Variants in NFIX observed in about 807,000 individuals in gnomAD.
NFIX encodes the protein nuclear factor 1 X-type.
In NFIX, 2 loss-of-function variants were observed where a neutral mutation model predicts 53.3. The ratio of observed to expected loss-of-function variants is 0.04; its 90% CI spans 0.02 to 0.12. NFIX has a LOEUF of 0.12. Ranked by LOEUF, NFIX falls within the 10% of genes least tolerant of loss-of-function variation. NFIX has a pLI of 1.00. For synonymous variants in NFIX, 244 were observed against 289.0 expected, an observed-to-expected ratio of 0.84 and a Z score of 1.58; for missense variants, 310 against 674.5, an observed-to-expected ratio of 0.46 and a Z score of 5.99.
chr19:13,065,367 T>A (rs2016337072), intron 2 of NFIX, among the ~76,000 whole-genome samples: 1 of 152,212 alleles, frequency 6.6e-6, no homozygotes, highest in Non-Finnish European at 1.5e-5. Context: ...TCTGCTCTGA[T>A]GGGAATTCCT....
rs1292104474 is a variant in NFIX, at chr19:13,025,248, C to T, written c.255C>T (p.Pro85=). The change falls in exon 2 of 11, where the codon CCC becomes CCT. Residue 85 remains proline (P), a synonymous_variant. Coordinates refer to ENST00000592199, the MANE Select transcript of NFIX (RefSeq NM_001365902.3). The surrounding 1 kb of genome is among the most constrained non-coding windows in gnomAD (Gnocchi z 7.5). ...LLAKLRKDIR[P]EFREDFVLTI... The stretch of plus-strand genomic sequence containing the variant: ...CCAAGCTGCGCAAGGACATCCGGCC[C>T]GAGTTCCGCGAGGACTTCGTGCTGA... 19 of 1,613,994 alleles carry T rather than the reference C, an allele frequency of 1.2e-5. No individual in the cohort carries two copies. Among genetic ancestry groups the T allele is most frequent in the Non-Finnish European group, 1.6e-5 (19 of 1,179,970 alleles).
At chr19:13,010,202 C>T (rs2012256487) in intron 1 of NFIX, among the ~76,000 whole-genome samples, 1 of 152,202 alleles carries the variant, frequency 6.6e-6, no homozygotes, top group African/African-American at 2.4e-5. Context: ...GCCGGGCGGG[C>T]GGCCGGCCCT....
In NFIX at chr19:13,045,213, A is replaced by G. The variant is rs1447409005; in HGVS notation, c.559+19661A>G. On this transcript the variant is annotated intron_variant, in intron 2 of 10. Coordinates refer to ENST00000592199, the MANE Select transcript of NFIX (RefSeq NM_001365902.3). This position sits in a 1 kb window ranked among gnomAD's most constrained non-coding sequence, Gnocchi z 4.4. ...TGGCTCTCTTCTGAGGGAGCTCCAC[A>G]GCCACCATGGATTTAGGTGGACAAA... Among the ~76,000 whole-genome samples, 1 of 152,172 alleles carries G rather than the reference A, an allele frequency of 6.6e-6. No homozygotes were observed. The highest frequency in any genetic ancestry group is 1.5e-5 in the Non-Finnish European group (1 of 68,024).
At chr19:13,003,322 G>A (rs967153836) in intron 1 of NFIX, among the ~76,000 whole-genome samples, 2 of 152,122 alleles carry the variant, frequency 1.3e-5, no homozygotes, top group African/African-American at 4.8e-5. Flanking sequence ...ACTCAGGGAC[G>A]TGCATGTGGG....
intron 2 of NFIX, among the ~76,000 whole-genome samples, chr19:13,057,840 G>A (rs1330035314): frequency 1.3e-5 from 2 of 151,898 alleles, no homozygotes; most frequent in African/African-American, 4.8e-5. Flanking sequence ...CCCCGCAACC[G>A]AGGCCCTAGT....
In NFIX at chr19:13,022,526, C is replaced by T. The variant is rs766662556; in HGVS notation, c.28-2495C>T. On this transcript the variant is annotated intron_variant, in intron 1 of 10. Transcript: ENST00000592199. The surrounding 1 kb of genome is among the most constrained non-coding windows in gnomAD (Gnocchi z 4.5). ...TCTTTCTTCTTATTTCTATTCATAGCACCGCAGGCCCGTGTGTATGTGGCC... is the reference window on the plus strand; with the variant it reads ...TCTTTCTTCTTATTTCTATTCATAGTACCGCAGGCCCGTGTGTATGTGGCC... Among the ~76,000 whole-genome samples the T allele has an allele frequency of 2.3e-4, 35 of 151,992 alleles. No individual in the cohort carries two copies. The highest frequency in any genetic ancestry group is 4.6e-4 in the Non-Finnish European group (31 of 68,000).
Position 13,094,522 on chromosome 19 carries a change from C to A in NFIX, c.1495-113C>A. 9.0e-7 allele frequency: 1 copy of A among 1,113,306 alleles called. No individual in the cohort carries two copies. The highest frequency in any genetic ancestry group is 2.6e-5 in the East Asian group (1 of 38,198). The allele number at this position is 1,113,306 out of a possible 1,614,324, so 69.0% of individuals were successfully genotyped here. Reference sequence around the variant, plus strand: ...AAGGTGGGTGGTGGCTGCCCGGCACCCTGGCTCTTTGGGAGCTGGACCCTT... The same window carrying A: ...AAGGTGGGTGGTGGCTGCCCGGCACACTGGCTCTTTGGGAGCTGGACCCTT... On this transcript the variant is annotated intron_variant, in intron 10 of 10. Coordinates refer to ENST00000592199, the MANE Select transcript of NFIX (RefSeq NM_001365902.3). The surrounding 1 kb of genome is among the most constrained non-coding windows in gnomAD (Gnocchi z 4.3).
chr19:12,997,056 G>A (rs2011495477), intron 1 of NFIX, among the ~76,000 whole-genome samples: 1 of 152,236 alleles, frequency 6.6e-6, no homozygotes, highest in African/African-American at 2.4e-5. Flanking sequence ...GCATGTGGGG[G>A]TTCTCTAGGC....
At chr19:13,044,439 C>T (rs1375174133) in intron 2 of NFIX, among the ~76,000 whole-genome samples, 1 of 152,084 alleles carries the variant, frequency 6.6e-6, no homozygotes, top group Non-Finnish European at 1.5e-5. Context: ...TGTCTGTGTA[C>T]AAGTATGGGT....
At position 13,014,715 on chromosome 19, in the gene NFIX, G is replaced by A. The variant is rs2012561475; in HGVS notation, c.28-10306G>A. Among the ~76,000 whole-genome samples the A allele has an allele frequency of 6.6e-6, 1 of 152,268 alleles. No homozygotes were observed. The highest frequency in any genetic ancestry group is 1.5e-5 in the Non-Finnish European group (1 of 68,048). On this transcript the variant is annotated intron_variant, in intron 1 of 10. Transcript: ENST00000592199. This position sits in a 1 kb window ranked among gnomAD's most constrained non-coding sequence, Gnocchi z 4.4. The stretch of plus-strand genomic sequence containing the variant: ...CCACTTGGGCTGGGCCTGGCATCCA[G>A]CCCCAGAGGAGTGCTCTTGCCACTG...
rs1450644508 is a variant in NFIX, at chr19:13,051,928, G to A, written c.560-21119G>A. ...TTAGGCGCCGCCTCCTCCTCACAGC[G>A]CCCGCCTTCTCCGCTCCGGCTTCAT... On this transcript the variant is annotated intron_variant, in intron 2 of 10. Transcript: ENST00000592199. The surrounding 1 kb of genome is among the most constrained non-coding windows in gnomAD (Gnocchi z 5.1). Among the ~76,000 whole-genome samples the A allele has an allele frequency of 2.0e-5, 3 of 152,178 alleles. No homozygotes were observed. The highest frequency in any genetic ancestry group is 2.9e-5 in the Non-Finnish European group (2 of 68,020).
In NFIX at chr19:13,013,379, C is replaced by T. The variant is rs1158990004; in HGVS notation, c.28-11642C>T. Among the ~76,000 whole-genome samples the T allele has an allele frequency of 6.6e-6, 1 of 152,206 alleles. No individual in the cohort carries two copies. Among genetic ancestry groups the T allele is most frequent in the African/African-American group, 2.4e-5 (1 of 41,448 alleles). ...AGAGAAAGCCGCCCGTCCCCAGTCC[C>T]CTCGGAAGCCGGTCATAAACCCGAC... On this transcript the variant is annotated intron_variant, in intron 1 of 10. Coordinates refer to ENST00000592199, the MANE Select transcript of NFIX (RefSeq NM_001365902.3). This position sits in a 1 kb window ranked among gnomAD's most constrained non-coding sequence, Gnocchi z 5.9.
At chr19:13,055,289 A>G (rs2015590604) in intron 2 of NFIX, among the ~76,000 whole-genome samples, 1 of 136,116 alleles carries the variant, frequency 7.3e-6, no homozygotes, top group Non-Finnish European at 1.5e-5. Flanking sequence ...TCAGATTGCT[A>G]AGCTTCCCAG....
intron 1 of NFIX, among the ~76,000 whole-genome samples, chr19:13,016,298 G>T (rs1422379185): frequency 6.6e-6 from 1 of 152,140 alleles, no homozygotes; most frequent in Non-Finnish European, 1.5e-5. Flanking sequence ...GTAAAAAATA[G>T]CGGGCTGATA....
intron 1 of NFIX, 155 bp from the exon 2 acceptor site, chr19:13,024,866 G>T: frequency 6.8e-6 from 9 of 1,322,972 alleles, no homozygotes; most frequent in Non-Finnish European, 9.4e-6. Flanking sequence ...AATCGCAAGA[G>T]AAAATTGTTG....
chr19:13,073,403 C>A lies in NFIX; in HGVS notation c.623-19C>A. 1.9e-6 allele frequency: 3 copies of A among 1,610,100 alleles called. No homozygotes were observed. The highest frequency in any genetic ancestry group is 2.6e-6 in the Non-Finnish European group (3 of 1,176,336). On this transcript the variant is annotated intron_variant, in intron 3 of 10. Transcript: ENST00000592199. This position sits in a 1 kb window ranked among gnomAD's most constrained non-coding sequence, Gnocchi z 4.5. ...CCTTCTGGCCTTGTCTTGACTCACT[C>A]ATCCTTTCCCCTCTTCAGGGCACTT...
At chr19:13,015,423 G>T (rs1229793155) in intron 1 of NFIX, among the ~76,000 whole-genome samples, 1 of 152,104 alleles carries the variant, frequency 6.6e-6, no homozygotes, top group Non-Finnish European at 1.5e-5. Flanking sequence ...GCCCAGCCTG[G>T]TGTCGCTTGC....
intron 1 of NFIX, among the ~76,000 whole-genome samples, chr19:13,023,029 G>A (rs1251183631): frequency 1.3e-5 from 2 of 150,542 alleles, no homozygotes; most frequent in Admixed American, 1.3e-4. Context: ...TTGGCTGCTC[G>A]TGGATGTCTC....
intron 2 of NFIX, among the ~76,000 whole-genome samples, chr19:13,061,451 G>A (rs559427962): frequency 2.3e-4 from 35 of 152,356 alleles, no homozygotes; most frequent in Non-Finnish European, 4.3e-4. Context: ...CCCTGGGTAT[G>A]CAGAGGGAAC....
Sources: gnomAD v4.1 joint callset for allele counts (sites outside exome capture counted in the v4.1 genomes callset) on GRCh38, gnomAD v4.1.1 for gene constraint, Gnocchi (gnomAD v3.1) non-coding constraint, MANE v1.5 for transcripts, NCBI Gene and HGNC (gene_info 2026-07-23, HGNC 2026-07-21) for gene names.